CTTNBP2: variants seen among roughly 807,000 people sequenced by gnomAD.
CTTNBP2 encodes cortactin-binding protein 2.
In CTTNBP2, 108 loss-of-function variants were observed where a neutral mutation model predicts 156.9. The ratio of observed to expected loss-of-function variants is 0.69; its 90% CI spans 0.59 to 0.81. CTTNBP2 has a LOEUF of 0.81. Ranked by LOEUF, CTTNBP2 falls within the 30% of genes least tolerant of loss-of-function variation. The pLI, the probability that CTTNBP2 is intolerant of heterozygous loss-of-function variation, is 0.00. For missense variants in CTTNBP2, 1,924 were observed against 2,035.4 expected, an observed-to-expected ratio of 0.95 and a Z score of 1.05; for synonymous variants, 767 against 751.8, an observed-to-expected ratio of 1.02 and a Z score of -0.33.
chr7:117,869,886 C>G (rs566274080), intron 1 of CTTNBP2, among the ~76,000 whole-genome samples: 1 of 152,296 alleles, frequency 6.6e-6, no homozygotes, highest in East Asian at 1.9e-4. Flanking sequence ...AACTTCCAAG[C>G]TATTTTTCTG....
At chr7:117,748,724 CA>C (rs1256367265) in intron 12 of CTTNBP2, among the ~76,000 whole-genome samples, 2 of 152,204 alleles carry the variant, frequency 1.3e-5, no homozygotes, top group Non-Finnish European at 2.9e-5. Flanking sequence ...CATAGTCTAC[CA>C]CCTTGCATCC....
At chr7:117,820,117 T>G (rs1457155012) in intron 2 of CTTNBP2, among the ~76,000 whole-genome samples, 3 of 152,236 alleles carry the variant, frequency 2.0e-5, no homozygotes, top group Non-Finnish European at 4.4e-5. Flanking sequence ...CATGCTCATT[T>G]GTAGAAAATA....
intron 2 of CTTNBP2, among the ~76,000 whole-genome samples, chr7:117,855,046 A>G (rs1803203303): frequency 6.6e-6 from 1 of 151,806 alleles, no homozygotes; most frequent in African/African-American, 2.4e-5. Flanking sequence ...CAGCTCCCCA[A>G]AGTGCTGGGA....
chr7:117,803,789 T>C (rs558818082), intron 3 of CTTNBP2, among the ~76,000 whole-genome samples: 1 of 152,242 alleles, frequency 6.6e-6, no homozygotes, highest in Admixed American at 6.5e-5. Context: ...AGAGAGCCAA[T>C]AATATTCTTG....
chr7:117,743,854 A>G (rs1335537461), intron 14 of CTTNBP2, among the ~76,000 whole-genome samples: 1 of 151,996 alleles, frequency 6.6e-6, no homozygotes, highest in Non-Finnish European at 1.5e-5. Flanking sequence ...ATTATCAGAA[A>G]AAACAGCTTT....
chr7:117,725,130 G>C lies in CTTNBP2; in HGVS notation c.4183C>G (p.Gln1395Glu). ...TTAKRHPSQG[Q>E]QAVVKAALSI... ...AGAGCAGCTTTGACCACAGCCTGCT[G>C]TCCTTGGCTAGGGTGTCTTTTAGCA... The change falls in exon 18 of 23, where the codon CAG becomes GAG. Residue 1395 changes from glutamine (Q) to glutamate (E), a missense_variant. Gln to Glu is a conservative substitution (Grantham distance 29). Coordinates refer to ENST00000160373, the MANE Select transcript of CTTNBP2 (RefSeq NM_033427.3). 7 of 1,613,462 alleles carry C rather than the reference G, an allele frequency of 4.3e-6. No individual in the cohort carries two copies. Among genetic ancestry groups the C allele is most frequent in the Non-Finnish European group, 5.9e-6 (7 of 1,180,008 alleles).
In CTTNBP2 at chr7:117,792,117, G is replaced by A. The variant is rs1346874506; in HGVS notation, c.1079C>T (p.Ala360Val). 4 of 1,614,040 alleles carry A rather than the reference G, an allele frequency of 2.5e-6. No individual in the cohort carries two copies. The highest frequency in any genetic ancestry group is 3.4e-6 in the Non-Finnish European group (4 of 1,180,032). ...AGCGCCAATCAAGTCACCATAGGAA[G>A]CCTGCCTGTCAATACCTGGTCTGGC... ...TMARPGIDRQASYGDLIGASV... is the reference protein window; with the variant it reads ...TMARPGIDRQVSYGDLIGASV... Residue 360 changes from alanine to valine, a missense_variant, in exon 4 of 23, where the codon GCT (alanine) becomes GTT (valine). By Grantham distance (64) the Ala-to-Val change is moderately conservative. Transcript: ENST00000160373. The surrounding 1 kb of genome is among the most constrained non-coding windows in gnomAD (Gnocchi z 4.2).
intron 12 of CTTNBP2, among the ~76,000 whole-genome samples, chr7:117,755,826 G>A (rs1365609295): frequency 6.6e-6 from 1 of 152,218 alleles, no homozygotes; most frequent in African/African-American, 2.4e-5. Context: ...TTCCCAGCTA[G>A]GCACCGATAG....
intron 12 of CTTNBP2, among the ~76,000 whole-genome samples, chr7:117,748,709 G>C (rs575451040): frequency 6.6e-6 from 1 of 152,126 alleles, no homozygotes; most frequent in Non-Finnish European, 1.5e-5. Context: ...TTCTTGCCCT[G>C]CTTTCATAGT....
chr7:117,796,156 G>A (rs1294960712), intron 3 of CTTNBP2, among the ~76,000 whole-genome samples: 3 of 152,116 alleles, frequency 2.0e-5, no homozygotes, highest in African/African-American at 7.2e-5. Context: ...AGGGGGAAAG[G>A]TTTCCATCTG....
intron 12 of CTTNBP2, among the ~76,000 whole-genome samples, chr7:117,753,774 C>A (rs887332415): frequency 2.6e-5 from 4 of 151,280 alleles, no homozygotes; most frequent in Admixed American, 2.0e-4. Flanking sequence ...TGGGGGCTGG[C>A]GGGAGGGAGA....
At position 117,792,083 on chromosome 7, in the gene CTTNBP2, G is replaced by C; in HGVS notation, c.1113C>G (p.Pro371=). The C allele has an allele frequency of 6.2e-7, 1 of 1,614,112 alleles. No homozygotes were observed. The highest frequency in any genetic ancestry group is 8.5e-7 in the Non-Finnish European group (1 of 1,180,028). ...SYGDLIGASV[P]AFPPPSANKI... is the part of the protein sequence containing the mutation. ...TGTTTGCACTTGGAGGTGGGAAAGC[G>C]GGTACAGAAGCGCCAATCAAGTCAC... The change falls in exon 4 of 23, where the codon CCC becomes CCG. Residue 371 remains proline (P), a synonymous_variant. Transcript: ENST00000160373. The surrounding 1 kb of genome is among the most constrained non-coding windows in gnomAD (Gnocchi z 4.2).
chr7:117,842,395 G>A (rs1041316321), intron 2 of CTTNBP2, among the ~76,000 whole-genome samples: 2 of 151,922 alleles, frequency 1.3e-5, no homozygotes, highest in African/African-American at 4.8e-5. Flanking sequence ...TAGAGACGGG[G>A]TTTCACCATG....
intron 2 of CTTNBP2, among the ~76,000 whole-genome samples, chr7:117,857,750 T>C (rs1468138178): frequency 2.0e-5 from 3 of 151,942 alleles, no homozygotes; most frequent in Non-Finnish European, 2.9e-5. Context: ...TGATTACCGA[T>C]TGAGGAAATT....
At chr7:117,815,076 A>G (rs1261762774) in intron 2 of CTTNBP2, among the ~76,000 whole-genome samples, 2 of 152,194 alleles carry the variant, frequency 1.3e-5, no homozygotes, top group Admixed American at 1.3e-4. Flanking sequence ...CCAGGTAATA[A>G]TGTTGTTCTA....
intron 8 of CTTNBP2, among the ~76,000 whole-genome samples, chr7:117,768,439 G>T (rs1400555115): frequency 1.3e-5 from 2 of 151,316 alleles, no homozygotes; most frequent in African/African-American, 4.9e-5. Context: ...TGTGGTGGGC[G>T]CCTGTAATCC....
At chr7:117,732,756 G>C (rs1037616312) in intron 16 of CTTNBP2, among the ~76,000 whole-genome samples, 1 of 150,274 alleles carries the variant, frequency 6.7e-6, no homozygotes, top group African/African-American at 2.5e-5. Flanking sequence ...ATGATATTAA[G>C]ACAGGGGACA....
At chr7:117,736,873 A>C (rs1314379247) in intron 14 of CTTNBP2, among the ~76,000 whole-genome samples, 1 of 152,234 alleles carries the variant, frequency 6.6e-6, no homozygotes, top group African/African-American at 2.4e-5. Context: ...AAAAGAAACC[A>C]GTTTAGGATA....
Position 117,725,272 on chromosome 7 carries a change from A to T in CTTNBP2, c.4056-15T>A. 1 of 1,610,886 alleles carries T rather than the reference A, an allele frequency of 6.2e-7. No individual in the cohort carries two copies. Among genetic ancestry groups the T allele is most frequent in the East Asian group, 2.2e-5 (1 of 44,860 alleles). On this transcript the variant is annotated splice_polypyrimidine_tract_variant and intron_variant, in intron 17 of 22. Coordinates refer to ENST00000160373, the MANE Select transcript of CTTNBP2 (RefSeq NM_033427.3). ...TAGACATCCACCTAGCAGGAGAGGG[A>T]CCGATTCATCCCTTAGGAGCAGGCT...
Sources: allele counts gnomAD v4.1 joint callset (sites outside exome capture counted in the v4.1 genomes callset), GRCh38; gene constraint gnomAD v4.1.1; non-coding constraint Gnocchi (gnomAD v3.1); transcripts MANE v1.5; gene names NCBI Gene and HGNC (gene_info 2026-07-23, HGNC 2026-07-21).